IL4I1: variants seen among roughly 807,000 people sequenced by gnomAD.
IL4I1 encodes L-amino-acid oxidase.
Under a neutral mutation model 29.7 loss-of-function variants are expected in IL4I1, and 24 were observed. The ratio of observed to expected loss-of-function variants is 0.81; its 90% CI spans 0.59 to 1.14. The LOEUF (loss-of-function observed/expected upper bound fraction) is 1.14. IL4I1 is among the 50% of genes most tolerant of loss of function. The probability of loss-of-function intolerance (pLI) is 0.00; values close to 1 mark genes in which losing one functional copy is unlikely to be tolerated. For synonymous variants in IL4I1, 371 were observed against 352.5 expected (o/e 1.05, Z -0.59); for missense variants, 686 against 785.6 (o/e 0.87, Z 1.52).
At chr19:49,901,921 T>C in intron 3 of IL4I1, 1 of 403,666 alleles carries the variant, frequency 2.5e-6, no homozygotes, top group Non-Finnish European at 4.5e-6. Context: ...GGTGAATTCA[T>C]GGCTTCACAC....
In IL4I1 at chr19:49,890,350, C is replaced by T; in HGVS notation, c.1024G>A (p.Glu342Lys). The T allele has an allele frequency of 5.6e-6, 9 of 1,607,618 alleles. No individual in the cohort carries two copies. Among genetic ancestry groups the T allele is most frequent in the Non-Finnish European group, 7.6e-6 (9 of 1,177,362 alleles). The change falls in exon 8 of 8, where the codon GAG becomes AAG. Residue 342 changes from glutamate (E) to lysine (K), a missense_variant. Physicochemically the swap from Glu to Lys is moderately conservative, Grantham distance 56. Coordinates refer to ENST00000391826, the MANE Select transcript of IL4I1 (RefSeq NM_152899.2). Reference protein sequence around the residue: ...FSPPLPRHMQEALRRLHYVPA... With the variant: ...FSPPLPRHMQKALRRLHYVPA... ...ACGTAGTGCAGCCTCCGCAGCGCCTCCTGCATGTGGCGGGGCAGCGGCGGC... is the reference window on the plus strand; with the variant it reads ...ACGTAGTGCAGCCTCCGCAGCGCCTTCTGCATGTGGCGGGGCAGCGGCGGC...
At position 49,894,125 on chromosome 19, in the gene IL4I1, G is replaced by A. The variant is rs2075173965; in HGVS notation, c.567+143C>T. The A allele has an allele frequency of 9.4e-6, 7 of 744,266 alleles. No homozygotes were observed. The East Asian group carries it at 1.9e-4, about 20-fold the overall frequency. 46.1% of individuals were successfully genotyped at this position (744,266 alleles called of 1,614,324 possible). A position where few individuals can be genotyped will look rare whatever the true frequency, so the allele number is the denominator to read the frequency against. On this transcript the variant is annotated intron_variant, in intron 5 of 7. Coordinates refer to ENST00000391826, the MANE Select transcript of IL4I1 (RefSeq NM_152899.2). ...AGACCTCATGGCACACATCCCCTTG[G>A]TAGAATTTCCATCTCCACCAACAGG... is the stretch of plus-strand genomic sequence containing the variant.
intron 2 of IL4I1, chr19:49,904,376 C>G (rs758760256): frequency 6.6e-6 from 1 of 152,128 alleles, no homozygotes; most frequent in East Asian, 1.9e-4. Flanking sequence ...GGCACCCAGT[C>G]GGTTGCTGAT....
chr19:49,918,078 CTTTTT>C (rs559266842), intron 2 of IL4I1, among the ~76,000 whole-genome samples: 1 of 132,622 alleles, frequency 7.5e-6, no homozygotes, highest in African/African-American at 2.9e-5. Context: ...TTTCCTTTTT[CTTTTT>C]TTTTTTTTGA....
intron 2 of IL4I1, among the ~76,000 whole-genome samples, chr19:49,922,452 G>A (rs1029600795): frequency 5.9e-5 from 9 of 151,970 alleles, no homozygotes; most frequent in African/African-American, 1.5e-4. Context: ...ACATGGGACC[G>A]GGCTGTGTCG....
At position 49,889,713 on chromosome 19, in the gene IL4I1, T is replaced by G; in HGVS notation, c.1661A>C (p.Gln554Pro). The change falls in exon 8 of 8, where the codon CAG becomes CCG. Residue 554 changes from glutamine to proline, a missense_variant. By Grantham distance (76) the Gln-to-Pro change is moderately conservative. Transcript: ENST00000391826. Reference sequence around the variant, plus strand: ...GTGGGTCGTGTTTTGGAGAGATAACTGGCCTTGGACTGGAGGGTGGCTGCC... The same window carrying G: ...GTGGGTCGTGTTTTGGAGAGATAACGGGCCTTGGACTGGAGGGTGGCTGCC... ...EEGSHPPVQG[Q>P]LSLQNTTHTR... 1 of 1,510,760 alleles carries G rather than the reference T, an allele frequency of 6.6e-7. No individual in the cohort carries two copies. Among genetic ancestry groups the G allele is most frequent in the Non-Finnish European group, 8.9e-7 (1 of 1,129,136 alleles). 93.6% of individuals were successfully genotyped at this position (1,510,760 alleles called of 1,614,324 possible).
chr19:49,924,667 C>T (rs948055745), intron 2 of IL4I1, among the ~76,000 whole-genome samples: 19 of 152,156 alleles, frequency 1.2e-4, no homozygotes, highest in Admixed American at 7.2e-4. Flanking sequence ...AATGTGCACA[C>T]GAGGGGACTC....
At chr19:49,904,281 T>C (rs1365986973) in exon 3 of IL4I1, 1 of 152,192 alleles carries the variant, frequency 6.6e-6, no homozygotes, top group Non-Finnish European at 1.5e-5. Context: ...GAAAGGCCAT[T>C]TGTCAGGACT....
At position 49,891,456 on chromosome 19, in the gene IL4I1, C is replaced by G; in HGVS notation, c.585G>C (p.Lys195Asn). ...TCATCGCCTTTCTGCAGCCCAGTGC[C>G]TTGAGGTCTTTGAGGGCCTGTTGTG... is the stretch of plus-strand genomic sequence containing the variant. ...MALNQALKDL[K>N]ALGCRKAMKK... Residue 195 changes from lysine to asparagine, a missense_variant, in exon 6 of 8, where the codon AAG becomes AAC. By Grantham distance (94) the Lys-to-Asn change is moderately conservative. Transcript: ENST00000391826. 1 of 1,614,186 alleles carries G rather than the reference C, an allele frequency of 6.2e-7. No individual in the cohort carries two copies. The highest frequency in any genetic ancestry group is 1.6e-4 in the Middle Eastern group (1 of 6,062).
intron 2 of IL4I1, chr19:49,907,334 CA>C: frequency 3.1e-6 from 1 of 317,726 alleles, no homozygotes; most frequent in Non-Finnish European, 6.1e-6. Context: ...CTGGGCCAGG[CA>C]AAAGGCAGGC....
At chr19:49,928,440 C>G (rs2075963774) in intron 1 of IL4I1, 1 of 151,360 alleles carries the variant, frequency 6.6e-6, no homozygotes, top group Admixed American at 6.6e-5. Flanking sequence ...TGGCGTGAAC[C>G]TGGGAGGCGG....
chr19:49,895,011 A>G, intron 4 of IL4I1, 57 bp downstream of exon 4: 1 of 1,344,454 alleles, frequency 7.4e-7, no homozygotes, highest in Non-Finnish European at 1.1e-6. Flanking sequence ...TGGTGTGGGC[A>G]TGGAGCTGGG....
At chr19:49,896,480 G>T (rs1169424646) in intron 1 of IL4I1, among the ~76,000 whole-genome samples, 1 of 151,282 alleles carries the variant, frequency 6.6e-6, no homozygotes, top group Non-Finnish European at 1.5e-5. Context: ...TGCCATCCAG[G>T]CTGGAGTGCA....
At chr19:49,909,137 G>A in intron 2 of IL4I1, 1 of 1,612,744 alleles carries the variant, frequency 6.2e-7, no homozygotes, top group South Asian at 1.1e-5. Flanking sequence ...AGTTGCTATT[G>A]ACGCAAAGAG....
Position 49,921,622 on chromosome 19 carries a change from A to G in IL4I1, c.-228+6072T>C, listed in dbSNP as rs893371325. Among the ~76,000 whole-genome samples, 4 of 152,216 alleles carry G rather than the reference A, an allele frequency of 2.6e-5. No individual in the cohort carries two copies. Among genetic ancestry groups the G allele is most frequent in the African/African-American group, 9.7e-5 (4 of 41,448 alleles). On this transcript the variant is annotated intron_variant, in intron 2 of 9. Coordinates refer to the IL4I1 transcript ENST00000341114. This position sits in a 1 kb window ranked among gnomAD's most constrained non-coding sequence, Gnocchi z 5.4. ...AAGGAGTCTGCATCAAACTGGGCTA[A>G]GGCCTGGCGCTCTGATGGCCGCTGA...
At chr19:49,918,043 A>C (rs1299481670) in intron 2 of IL4I1, among the ~76,000 whole-genome samples, 2 of 149,946 alleles carry the variant, frequency 1.3e-5, no homozygotes, top group African/African-American at 4.9e-5. Flanking sequence ...ACAAACAAAA[A>C]CCCAAAGCCA....
intron 2 of IL4I1, among the ~76,000 whole-genome samples, chr19:49,915,827 G>A (rs1171628453): frequency 1.3e-5 from 2 of 152,220 alleles, no homozygotes; most frequent in Non-Finnish European, 2.9e-5. Flanking sequence ...GGATGTGTGT[G>A]GGTGGATTGC....
At chr19:49,918,905 G>A (rs1381640840) in intron 2 of IL4I1, among the ~76,000 whole-genome samples, 5 of 147,662 alleles carry the variant, frequency 3.4e-5, no homozygotes, top group Admixed American at 1.4e-4. Flanking sequence ...TGGGGGGGGG[G>A]GGGCGGGGTG....
At chr19:49,897,777 G>A (rs529985292), upstream of IL4I1, among the ~76,000 whole-genome samples, 5 of 152,244 alleles carry the variant, frequency 3.3e-5, no homozygotes, top group South Asian at 4.1e-4. Flanking sequence ...GGGAGCCAGG[G>A]GCTCCGTGAG....
Sources: allele counts gnomAD v4.1 joint callset (sites outside exome capture counted in the v4.1 genomes callset), GRCh38; gene constraint gnomAD v4.1.1; non-coding constraint Gnocchi (gnomAD v3.1); transcripts MANE v1.5; gene names NCBI Gene and HGNC (gene_info 2026-07-23, HGNC 2026-07-21).